BHLHE40: variants seen among roughly 807,000 people sequenced by gnomAD.
The protein encoded by BHLHE40 is basic helix-loop-helix family member e40, also known as class E basic helix-loop-helix protein 40.
Under a neutral mutation model 35.7 loss-of-function variants are expected in BHLHE40, and 3 were observed. The ratio of observed to expected loss-of-function variants is 0.08; its 90% CI spans 0.04 to 0.22. The LOEUF (loss-of-function observed/expected upper bound fraction) is 0.22. BHLHE40 is among the 10% of genes least tolerant of loss of function. The pLI is 1.00. For synonymous variants in BHLHE40, 236 were observed against 213.0 expected, an observed-to-expected ratio of 1.11 and a Z score of -0.94; for missense variants, 486 against 524.0, an observed-to-expected ratio of 0.93 and a Z score of 0.71.
chr3:4,980,285 C>A lies in BHLHE40; in HGVS notation c.151-16C>A, dbSNP rs780806660. 1 of 1,611,548 alleles carries A rather than the reference C, an allele frequency of 6.2e-7. No individual in the cohort carries two copies. The highest frequency in any genetic ancestry group is 1.3e-5 in the African/African-American group (1 of 74,870). ...TCCTTCCCCAAGCGCCCACCGCCTC[C>A]CCGTGCGTCTTGCAGGAGACCTACA... On this transcript the variant is annotated splice_polypyrimidine_tract_variant and intron_variant, in intron 2 of 4. Coordinates refer to ENST00000256495, the MANE Select transcript of BHLHE40 (RefSeq NM_003670.3).
rs1460756375 is a variant in BHLHE40, at chr3:4,983,486, C to T, written c.1033C>T (p.Pro345Ser). ...GCCCATGCTGGAGAAGTGCTGGTAT[C>T]CCACCTCAGTGCCAGTGCTATACCC... is the stretch of plus-strand genomic sequence containing the variant. ...YLPMLEKCWY[P>S]TSVPVLYPGL... The change falls in exon 5 of 5, where the codon CCC becomes TCC. Residue 345 changes from proline to serine, a missense_variant. Around this residue, in one of 5 missense-constraint regions of BHLHE40, gnomAD observed 206 missense variants for 208.9 expected, o/e 0.99. Coordinates refer to ENST00000256495, the MANE Select transcript of BHLHE40 (RefSeq NM_003670.3). This position sits in a 1 kb window ranked among gnomAD's most constrained non-coding sequence, Gnocchi z 5.0. The T allele has an allele frequency of 6.2e-7, 1 of 1,614,172 alleles. No individual in the cohort carries two copies. Among genetic ancestry groups the T allele is most frequent in the South Asian group, 1.1e-5 (1 of 91,088 alleles).
Position 4,983,977 on chromosome 3 carries a change from C to A in BHLHE40, c.*285C>A. 1 of 400,336 alleles carries A rather than the reference C, an allele frequency of 2.5e-6. No homozygotes were observed. Among genetic ancestry groups the A allele is most frequent in the Non-Finnish European group, 4.5e-6 (1 of 223,082 alleles). The allele number at this position is 400,336 out of a possible 1,614,324, so 24.8% of individuals were successfully genotyped here. On this transcript the variant is annotated 3_prime_UTR_variant, in exon 5 of 5. Transcript: ENST00000256495. The surrounding 1 kb of genome is among the most constrained non-coding windows in gnomAD (Gnocchi z 5.0). ...GAGACTTGGGGGGGATTGTAGCAGA[C>A]GTCTGGGCTTTTCCCCACCCAGAGA...
chr3:4,979,445 G>C lies in BHLHE40; in HGVS notation c.-274G>C, dbSNP rs1349473242. 4.8e-6 allele frequency: 1 copy of C among 209,770 alleles called. No individual in the cohort carries two copies. The highest frequency in any genetic ancestry group is 9.4e-6 in the Non-Finnish European group (1 of 106,094). 13.0% of individuals were successfully genotyped at this position (209,770 alleles called of 1,614,324 possible). A position where few individuals can be genotyped will look rare whatever the true frequency, so the allele number is the denominator to read the frequency against. On this transcript the variant is annotated 5_prime_UTR_variant, in exon 1 of 5. Transcript: ENST00000256495. Reference sequence around the variant, plus strand: ...CGCCCGCCCCACTTCTCATTCACTTGGCTCGCACGGCGCAGACAGACCGCG... The same window carrying C: ...CGCCCGCCCCACTTCTCATTCACTTCGCTCGCACGGCGCAGACAGACCGCG...
rs200454830 is a variant in BHLHE40 at position 4,981,174 on chromosome 3, TTA to T, written c.259-207_259-206del. On this transcript the variant is annotated intron_variant, in intron 3 of 4. Transcript: ENST00000256495. ...TAAATTATTTAATTATATATATATA[TTA>T]TATATATATACACACACACACACAC... 2.6e-3 allele frequency among the ~76,000 whole-genome samples: 183 copies of T among 71,322 alleles called. 1 individual carries two copies. The highest frequency in any genetic ancestry group is 5.2e-3 in the Admixed American group (30 of 5,716). The allele number at this position is 71,322 out of a possible 152,430, so 46.8% of individuals were successfully genotyped here. A position where few individuals can be genotyped will look rare whatever the true frequency, so the allele number is the denominator to read the frequency against.
Position 4,983,850 on chromosome 3 carries a change from G to GTGTGTGTATGTA in BHLHE40, c.*163_*164insGTATGTATGTGT. On this transcript the variant is annotated 3_prime_UTR_variant, in exon 5 of 5. Transcript: ENST00000256495. The surrounding 1 kb of genome is among the most constrained non-coding windows in gnomAD (Gnocchi z 5.0). ...TCAGGGTGTGTGTGTGTGTGTGTGTGTGTGTATGTGCGTGTGCGTGCACAT... is the reference window on the plus strand; with the variant it reads ...TCAGGGTGTGTGTGTGTGTGTGTGTGTGTGTGTATGTATGTGTATGTGCGTGTGCGTGCACAT... 1 of 957,554 alleles carries GTGTGTGTATGTA rather than the reference G, an allele frequency of 1.0e-6. No individual in the cohort carries two copies. Among genetic ancestry groups the GTGTGTGTATGTA allele is most frequent in the African/African-American group, 1.7e-5 (1 of 60,002 alleles). The allele number at this position is 957,554 out of a possible 1,614,324, so 59.3% of individuals were successfully genotyped here.
chr3:4,982,831 C>G lies in BHLHE40; in HGVS notation c.383-5C>G. On this transcript the variant is annotated splice_polypyrimidine_tract_variant and splice_region_variant and intron_variant, in intron 4 of 4. Transcript: ENST00000256495. The stretch of plus-strand genomic sequence containing the variant: ...ACGTTTTCCTTCGGATTTTTCTTTC[C>G]CCAGGTGAGCTGTCAGGGAGAAATG... 1 of 1,613,752 alleles carries G rather than the reference C, an allele frequency of 6.2e-7. No individual in the cohort carries two copies.
Position 4,983,899 on chromosome 3 carries a change from A to T in BHLHE40, c.*207A>T. On this transcript the variant is annotated 3_prime_UTR_variant, in exon 5 of 5. Transcript: ENST00000256495. This position sits in a 1 kb window ranked among gnomAD's most constrained non-coding sequence, Gnocchi z 5.0. ...ATGTGTGCCTGCGTGTTGGTATAGG[A>T]CTTTAAAGCTCCTTTTGGCATAGGG... 1 of 652,588 alleles carries T rather than the reference A, an allele frequency of 1.5e-6. No individual in the cohort carries two copies. 40.4% of individuals were successfully genotyped at this position (652,588 alleles called of 1,614,324 possible). A position where few individuals can be genotyped will look rare whatever the true frequency, so the allele number is the denominator to read the frequency against.
Position 4,983,829 on chromosome 3 carries a change from G to GGTGTGTGTGTGT in BHLHE40, c.*152_*163dup, listed in dbSNP as rs56076357. 13,492 of 697,338 alleles carry GGTGTGTGTGTGT rather than the reference G, an allele frequency of 0.019. 127 individuals are homozygous for GGTGTGTGTGTGT. The highest frequency in any genetic ancestry group is 0.057 in the African/African-American group (3,162 of 55,176). The allele number at this position is 697,338 out of a possible 1,614,324, so 43.2% of individuals were successfully genotyped here. A position where few individuals can be genotyped will look rare whatever the true frequency, so the allele number is the denominator to read the frequency against. On this transcript the variant is annotated 3_prime_UTR_variant, in exon 5 of 5. Transcript: ENST00000256495. The surrounding 1 kb of genome is among the most constrained non-coding windows in gnomAD (Gnocchi z 5.0). ...TCTGAGGCATGGAGAGCAGATTCAG[G>GGTGTGTGTGTGT]GTGTGTGTGTGTGTGTGTGTGTGTG...
rs1361274958 is a variant in BHLHE40, at chr3:4,985,197, T to G, written c.*1505T>G. 6.6e-6 allele frequency: 1 copy of G among 152,556 alleles called. No individual in the cohort carries two copies. Among genetic ancestry groups the G allele is most frequent in the Admixed American group, 6.5e-5 (1 of 15,274 alleles). The allele number at this position is 152,556 out of a possible 1,614,324, so 9.5% of individuals were successfully genotyped here. A position where few individuals can be genotyped will look rare whatever the true frequency, so the allele number is the denominator to read the frequency against. ...GGAAGAGAAAGATGGTCTCCTGAGTTTTTTAAAATAGCTCACTTGGTGTGA... is the reference window on the plus strand; with the variant it reads ...GGAAGAGAAAGATGGTCTCCTGAGTGTTTTAAAATAGCTCACTTGGTGTGA... On this transcript the variant is annotated 3_prime_UTR_variant, in exon 5 of 5. Transcript: ENST00000256495.
chr3:4,983,002 G>T lies in BHLHE40; in HGVS notation c.549G>T (p.Leu183=), dbSNP rs1354667273. The T allele has an allele frequency of 6.2e-7, 1 of 1,613,596 alleles. No homozygotes were observed. Among genetic ancestry groups the T allele is most frequent in the Non-Finnish European group, 8.5e-7 (1 of 1,179,534 alleles). Residue 183 remains leucine, a synonymous_variant, in exon 5 of 5, where the codon CTG becomes CTT. Transcript: ENST00000256495. This position sits in a 1 kb window ranked among gnomAD's most constrained non-coding sequence, Gnocchi z 5.0. ...TCCACCGGGTGGTCTCGGAGCTGCT[G>T]CAGGGTGGTACCTCCAGGAAGCCAT... ...THLHRVVSEL[L]QGGTSRKPSD...
At position 4,983,750 on chromosome 3, in the gene BHLHE40, CAA is replaced by C; in HGVS notation, c.*63_*64del. ...TTCCTCGCTACTTCCTAAAAAGCAA[CAA>C]AAAAGTTTTTGTGAATGCTGCAAGA... On this transcript the variant is annotated 3_prime_UTR_variant, in exon 5 of 5. Coordinates refer to ENST00000256495, the MANE Select transcript of BHLHE40 (RefSeq NM_003670.3). The surrounding 1 kb of genome is among the most constrained non-coding windows in gnomAD (Gnocchi z 5.0). The C allele has an allele frequency of 1.3e-6, 2 of 1,520,270 alleles. No individual in the cohort carries two copies. Among genetic ancestry groups the C allele is most frequent in the Non-Finnish European group, 1.8e-6 (2 of 1,140,998 alleles). 94.2% of individuals were successfully genotyped at this position (1,520,270 alleles called of 1,614,324 possible).
Position 4,980,883 on chromosome 3 carries a change from A to AAC in BHLHE40, c.258+476_258+477insCA, listed in dbSNP as rs111611747. Among the ~76,000 whole-genome samples, 317 of 151,856 alleles carry AAC rather than the reference A, an allele frequency of 2.1e-3. 3 individuals are homozygous for AAC. Among genetic ancestry groups the AAC allele is most frequent in the African/African-American group, 7.2e-3 (298 of 41,350 alleles). On this transcript the variant is annotated intron_variant, in intron 3 of 4. Transcript: ENST00000256495. ...TTTGGTTGGGGAAATGGAAAAAAAA[A>AAC]AAATAGTATTTCGGGAGGAACAAAA...
At position 4,979,648 on chromosome 3, in the gene BHLHE40, C is replaced by T. The variant is rs1353787513; in HGVS notation, c.-71C>T. The stretch of plus-strand genomic sequence containing the variant: ...TGCGGAGAGACCCCCGAAGCCCTCT[C>T]CAGGGCAGTCCTCATCCAGACGCTC... On this transcript the variant is annotated 5_prime_UTR_variant, in exon 1 of 5. Transcript: ENST00000256495. 3 of 1,494,978 alleles carry T rather than the reference C, an allele frequency of 2.0e-6. No homozygotes were observed. The highest frequency in any genetic ancestry group is 1.2e-5 in the South Asian group (1 of 82,186). The allele number at this position is 1,494,978 out of a possible 1,614,324, so 92.6% of individuals were successfully genotyped here. A position where few individuals can be genotyped will look rare whatever the true frequency, so the allele number is the denominator to read the frequency against.
Position 4,979,450 on chromosome 3 carries a change from G to T in BHLHE40, c.-269G>T. 1 of 363,918 alleles carries T rather than the reference G, an allele frequency of 2.7e-6. No individual in the cohort carries two copies. The highest frequency in any genetic ancestry group is 2.2e-5 in the African/African-American group (1 of 45,852). 22.5% of individuals were successfully genotyped at this position (363,918 alleles called of 1,614,324 possible). A position where few individuals can be genotyped will look rare whatever the true frequency, so the allele number is the denominator to read the frequency against. On this transcript the variant is annotated 5_prime_UTR_variant, in exon 1 of 5. Coordinates refer to ENST00000256495, the MANE Select transcript of BHLHE40 (RefSeq NM_003670.3). ...GCCCCACTTCTCATTCACTTGGCTCGCACGGCGCAGACAGACCGCGCAGGG... is the reference window on the plus strand; with the variant it reads ...GCCCCACTTCTCATTCACTTGGCTCTCACGGCGCAGACAGACCGCGCAGGG...
chr3:4,979,635 C>T lies in BHLHE40; in HGVS notation c.-84C>T, dbSNP rs1414368876. 1.2e-5 allele frequency: 17 copies of T among 1,387,040 alleles called. No homozygotes were observed. Among genetic ancestry groups the T allele is most frequent in the South Asian group, 5.1e-5 (4 of 78,178 alleles). The allele number at this position is 1,387,040 out of a possible 1,614,324, so 85.9% of individuals were successfully genotyped here. A position where few individuals can be genotyped will look rare whatever the true frequency, so the allele number is the denominator to read the frequency against. On this transcript the variant is annotated 5_prime_UTR_variant, in exon 1 of 5. Coordinates refer to ENST00000256495, the MANE Select transcript of BHLHE40 (RefSeq NM_003670.3). ...TCAGAGGAACATCTGCGGAGAGACC[C>T]CCGAAGCCCTCTCCAGGGCAGTCCT...
Position 4,980,227 on chromosome 3 carries a change from TTGC to T in BHLHE40, c.151-70_151-68del. ...GCTACTCTGCTCCTCTGCCGGACTGTTGCTGCGGGGCTGGGAGGATAGGCTTCT... is the reference window on the plus strand; with the variant it reads ...GCTACTCTGCTCCTCTGCCGGACTGTTGCGGGGCTGGGAGGATAGGCTTCT... On this transcript the variant is annotated intron_variant, in intron 2 of 4. Transcript: ENST00000256495. 2.2e-6 allele frequency: 3 copies of T among 1,365,068 alleles called. No homozygotes were observed. The South Asian group carries it at 3.5e-5, about 16-fold the overall frequency. The allele number at this position is 1,365,068 out of a possible 1,614,324, so 84.6% of individuals were successfully genotyped here.
chr3:4,982,982 C>T lies in BHLHE40; in HGVS notation c.529C>T (p.Arg177Trp), dbSNP rs1407932208. 6.8e-6 allele frequency: 11 copies of T among 1,613,100 alleles called. No individual in the cohort carries two copies. The highest frequency in any genetic ancestry group is 5.5e-5 in the South Asian group (5 of 91,048). Residue 177 changes from arginine to tryptophan, a missense_variant, in exon 5 of 5, where the codon CGG becomes TGG. Around this residue, in one of 5 missense-constraint regions of BHLHE40, gnomAD observed 176 missense variants for 180.5 expected, o/e 0.98. Transcript: ENST00000256495. ...TTCGCAGCTTGTCACCCACCTCCAC[C>T]GGGTGGTCTCGGAGCTGCTGCAGGG... is the stretch of plus-strand genomic sequence containing the variant. Reference protein sequence around the residue: ...KSSQLVTHLHRVVSELLQGGT... With the variant: ...KSSQLVTHLHWVVSELLQGGT...
chr3:4,984,939 A>G lies in BHLHE40; in HGVS notation c.*1247A>G, dbSNP rs772858014. On this transcript the variant is annotated 3_prime_UTR_variant, in exon 5 of 5. Transcript: ENST00000256495. ...TAAATATATATTATATAAATATATT[A>G]AAAAGGAAAATGTTTCAGATGTTTA... The G allele has an allele frequency of 6.6e-6, 1 of 151,912 alleles. No homozygotes were observed. The highest frequency in any genetic ancestry group is 1.5e-5 in the Non-Finnish European group (1 of 67,886). The allele number at this position is 151,912 out of a possible 1,614,324, so 9.4% of individuals were successfully genotyped here.
intron 1 of BHLHE40, 54 bp from the exon 2 acceptor site, chr3:4,979,908 C>A (rs2053175904): frequency 1.2e-6 from 2 of 1,608,928 alleles, no homozygotes; most frequent in Non-Finnish European, 1.7e-6. Flanking sequence ...CCCGGCAGAA[C>A]GCCTGCAGCC....
Sources: allele counts gnomAD v4.1 joint callset (sites outside exome capture counted in the v4.1 genomes callset), GRCh38; gene constraint gnomAD v4.1.1; regional missense constraint gnomAD v4.1.1; non-coding constraint Gnocchi (gnomAD v3.1); transcripts MANE v1.5; gene names NCBI Gene and HGNC (gene_info 2026-07-23, HGNC 2026-07-21).